Variants in CYTH1 observed in about 807,000 individuals in gnomAD.
CYTH1 encodes the protein cytohesin-1.
CYTH1 carries 18 observed loss-of-function variants against 61.8 expected under a neutral mutation model. The observed-to-expected ratio is 0.29, with a 90% CI of 0.20 to 0.43. The LOEUF (loss-of-function observed/expected upper bound fraction) is 0.43, where lower values mean the gene tolerates loss of function less well. Ranked by LOEUF, CYTH1 falls within the 20% of genes least tolerant of loss-of-function variation. The pLI, the probability that CYTH1 is intolerant of heterozygous loss-of-function variation, is 1.00. For missense variants in CYTH1, 336 were observed against 510.5 expected (o/e 0.66, Z 3.29); for synonymous variants, 174 against 184.3 (o/e 0.94, Z 0.45).
chr17:78,730,854 T>C (rs1022451538), intron 1 of CYTH1, among the ~76,000 whole-genome samples: 1 of 151,728 alleles, frequency 6.6e-6, no homozygotes, highest in Non-Finnish European at 1.5e-5. Context: ...TTAGTAGAGA[T>C]GGGGTTTCAC....
intron 1 of CYTH1, among the ~76,000 whole-genome samples, chr17:78,715,769 G>A (rs1194019978): frequency 6.6e-6 from 1 of 152,202 alleles, no homozygotes; most frequent in East Asian, 1.9e-4. Context: ...TGGCTCTACG[G>A]TGAGTGGTAT....
rs150880084 is a variant in CYTH1 at position 78,715,108 on chromosome 17, G to C, written c.23-5376C>G. On this transcript the variant is annotated intron_variant, in intron 1 of 13. Coordinates refer to ENST00000446868, the MANE Select transcript of CYTH1 (RefSeq NM_004762.6). The stretch of plus-strand genomic sequence containing the variant: ...AATAAAAATATTTTTAAATCCCACA[G>C]AGAAATTCTCATAGGAAAAATTCAG... Among the ~76,000 whole-genome samples, 6 of 152,110 alleles carry C rather than the reference G, an allele frequency of 3.9e-5. No homozygotes were observed. The East Asian group carries it at 1.2e-3, about 29-fold the overall frequency.
chr17:78,700,286 A>C lies in CYTH1; in HGVS notation c.550+45T>G. 6.7e-7 allele frequency: 1 copy of C among 1,486,322 alleles called. No individual in the cohort carries two copies. The highest frequency in any genetic ancestry group is 9.1e-7 in the Non-Finnish European group (1 of 1,099,466). The allele number at this position is 1,486,322 out of a possible 1,614,324, so 92.1% of individuals were successfully genotyped here. A position where few individuals can be genotyped will look rare whatever the true frequency, so the allele number is the denominator to read the frequency against. On this transcript the variant is annotated intron_variant, in intron 7 of 13. Coordinates refer to ENST00000446868, the MANE Select transcript of CYTH1 (RefSeq NM_004762.6). This position sits in a 1 kb window ranked among gnomAD's most constrained non-coding sequence, Gnocchi z 5.1. Reference sequence around the variant, plus strand: ...TTATCTGGTGCCAAGAAAATAATCCAGTGTAAAACGCCCATCATAAACTAG... The same window carrying C: ...TTATCTGGTGCCAAGAAAATAATCCCGTGTAAAACGCCCATCATAAACTAG...
intron 10 of CYTH1, among the ~76,000 whole-genome samples, chr17:78,693,161 C>T (rs573672013): frequency 1.2e-4 from 19 of 152,312 alleles, no homozygotes; most frequent in Middle Eastern, 3.4e-3. Flanking sequence ...AGAATCAACT[C>T]GTACTGAGAG....
chr17:78,699,086 G>T, intron 7 of CYTH1, 118 bp from the exon 8 acceptor site: 1 of 1,279,172 alleles, frequency 7.8e-7, no homozygotes, highest in Non-Finnish European at 1.1e-6. Flanking sequence ...CATGTTCTCG[G>T]CCAGATGCAG....
chr17:78,678,524 C>T (rs1429876487), intron 13 of CYTH1: 1 of 152,148 alleles, frequency 6.6e-6, no homozygotes, highest in African/African-American at 2.4e-5. Context: ...TAAACCCTTA[C>T]TTCAAATCTT....
At chr17:78,760,547 A>ATATATATATACATACATATATATG (rs1567879780) in intron 1 of CYTH1, among the ~76,000 whole-genome samples, 2 of 42,846 alleles carry the variant, frequency 4.7e-5, no homozygotes, top group African/African-American at 1.8e-4. Flanking sequence ...ATATATATGT[A>ATATATATATACATACATATATATG]TATATATATG....
chr17:78,744,320 C>A (rs1397514221), intron 1 of CYTH1, among the ~76,000 whole-genome samples: 2 of 152,166 alleles, frequency 1.3e-5, no homozygotes, highest in Non-Finnish European at 2.9e-5. Context: ...GTGCTGGGTA[C>A]CCTGCAGCCT....
At chr17:78,762,372 C>T (rs1463081562) in intron 1 of CYTH1, among the ~76,000 whole-genome samples, 1 of 152,150 alleles carries the variant, frequency 6.6e-6, no homozygotes, top group East Asian at 1.9e-4. Context: ...CGAAGTCAGA[C>T]AAAGTCTACA....
chr17:78,677,077 G>A (rs12935978), intron 13 of CYTH1: 2 of 456,072 alleles, frequency 4.4e-6, no homozygotes, highest in Admixed American at 4.7e-5. Flanking sequence ...GTGTGTCCAT[G>A]AGAAAATGCT....
Position 78,675,018 on chromosome 17 carries a change from G to C in CYTH1, c.*1073C>G, listed in dbSNP as rs576804152. ...AAATGCATCCAGAGTAGTCCAGTTA[G>C]GGCTGGTTTTGAGGCAGAAAAAGCT... On this transcript the variant is annotated 3_prime_UTR_variant, in exon 14 of 14. Coordinates refer to ENST00000446868, the MANE Select transcript of CYTH1 (RefSeq NM_004762.6). The C allele has an allele frequency of 1.3e-5, 2 of 152,336 alleles. No homozygotes were observed. The highest frequency in any genetic ancestry group is 2.9e-5 in the Non-Finnish European group (2 of 68,132). 9.4% of individuals were successfully genotyped at this position (152,336 alleles called of 1,614,324 possible).
At chr17:78,695,013 G>A (rs889364677) in intron 10 of CYTH1, among the ~76,000 whole-genome samples, 7 of 152,002 alleles carry the variant, frequency 4.6e-5, no homozygotes, top group African/African-American at 1.7e-4. Context: ...TGACCTCCCC[G>A]AGACATCAAG....
Position 78,730,930 on chromosome 17 carries a change from C to T in CYTH1, c.23-21198G>A, listed in dbSNP as rs930475157. Among the ~76,000 whole-genome samples, 5 of 152,094 alleles carry T rather than the reference C, an allele frequency of 3.3e-5. No homozygotes were observed. The South Asian group carries it at 6.2e-4, about 19-fold the overall frequency. On this transcript the variant is annotated intron_variant, in intron 1 of 13. Transcript: ENST00000446868. The stretch of plus-strand genomic sequence containing the variant: ...CTGCCTGCCTCGGCCTCCCAAAGTG[C>T]TGGGATTACAGGTGTGAGCCACCGC...
rs150984995 is a variant in CYTH1, at chr17:78,717,275, C to A, written c.23-7543G>T. Among the ~76,000 whole-genome samples the A allele has an allele frequency of 6.6e-6, 1 of 152,180 alleles. No homozygotes were observed. Among genetic ancestry groups the A allele is most frequent in the African/African-American group, 2.4e-5 (1 of 41,442 alleles). On this transcript the variant is annotated intron_variant, in intron 1 of 13. Transcript: ENST00000446868. The surrounding 1 kb of genome is among the most constrained non-coding windows in gnomAD (Gnocchi z 4.4). Reference sequence around the variant, plus strand: ...ACACCACCCGGTCGCTCGCCCTCCTCGCCCATTGCCAGAGGGGCACCCGGA... The same window carrying A: ...ACACCACCCGGTCGCTCGCCCTCCTAGCCCATTGCCAGAGGGGCACCCGGA...
At chr17:78,782,090 C>T (rs1183588321) in intron 1 of CYTH1, 112 bp downstream of exon 1, 5 of 990,438 alleles carry the variant, frequency 5.0e-6, no homozygotes, top group Non-Finnish European at 6.4e-6. Flanking sequence ...CTCCGCGTCC[C>T]GCACCAGTGT....
chr17:78,723,175 GC>G (rs2093243566), intron 1 of CYTH1: 1 of 152,882 alleles, frequency 6.5e-6, no homozygotes, highest in South Asian at 2.1e-4. Context: ...TGGGAAATCT[GC>G]TGACAGGGCT....
intron 11 of CYTH1, among the ~76,000 whole-genome samples, chr17:78,690,950 C>T (rs998685488): frequency 2.0e-5 from 3 of 152,116 alleles, no homozygotes; most frequent in Middle Eastern, 3.4e-3. Flanking sequence ...TTAAAGACAT[C>T]GTTAGTGTAG....
At chr17:78,760,445 A>T (rs12325859) in intron 1 of CYTH1, among the ~76,000 whole-genome samples, 1 of 62,720 alleles carries the variant, frequency 1.6e-5, no homozygotes, top group Non-Finnish European at 3.0e-5. Flanking sequence ...ATATATATGT[A>T]TATATATATA....
intron 11 of CYTH1, among the ~76,000 whole-genome samples, chr17:78,684,160 C>G (rs1217868264): frequency 6.6e-6 from 1 of 152,086 alleles, no homozygotes; most frequent in Non-Finnish European, 1.5e-5. Context: ...TCCTTCCTGG[C>G]CCCCCCTCTT....
Sources: allele counts gnomAD v4.1 joint callset (sites outside exome capture counted in the v4.1 genomes callset), GRCh38; gene constraint gnomAD v4.1.1; non-coding constraint Gnocchi (gnomAD v3.1); transcripts MANE v1.5; gene names NCBI Gene and HGNC (gene_info 2026-07-23, HGNC 2026-07-21).